ROBO1: variants seen among roughly 807,000 people sequenced by gnomAD.
ROBO1 encodes roundabout guidance receptor 1, also known as roundabout homolog 1.
Under a neutral mutation model 195.9 loss-of-function variants are expected in ROBO1, and 149 were observed. That is an observed-to-expected ratio of 0.76 (90% CI 0.67 to 0.87). The LOEUF is 0.87. ROBO1 is among the 40% of genes least tolerant of loss of function. The probability of loss-of-function intolerance (pLI) is 0.00; values close to 1 mark genes in which losing one functional copy is unlikely to be tolerated. For missense variants in ROBO1, 1,933 were observed against 2,068.3 expected (o/e 0.93, Z 1.27); for synonymous variants, 816 against 733.2 (o/e 1.11, Z -1.82).
chr3:78,854,566 C>T (rs1367539511), intron 4 of ROBO1, among the ~76,000 whole-genome samples: 1 of 150,488 alleles, frequency 6.6e-6, no homozygotes, highest in African/African-American at 2.5e-5. Flanking sequence ...ATTATTAATA[C>T]ATTTTAACTT....
At chr3:78,950,303 C>A (rs529083702) in intron 3 of ROBO1, among the ~76,000 whole-genome samples, 1 of 151,858 alleles carries the variant, frequency 6.6e-6, no homozygotes. Context: ...AAATGCGGCA[C>A]GTATACACCA....
chr3:79,232,328 C>G (rs990378496), intron 2 of ROBO1, among the ~76,000 whole-genome samples: 1 of 149,330 alleles, frequency 6.7e-6, no homozygotes, highest in Non-Finnish European at 1.5e-5. Context: ...GTTTAAGTAT[C>G]TCCTAGTGTG....
chr3:79,210,645 AG>A (rs2081952147), intron 2 of ROBO1, among the ~76,000 whole-genome samples: 1 of 152,154 alleles, frequency 6.6e-6, no homozygotes, highest in Non-Finnish European at 1.5e-5. Context: ...GTTAGCATGA[AG>A]GATAGGAGCA....
At chr3:79,626,501 A>T (rs1945185745) in intron 1 of ROBO1, among the ~76,000 whole-genome samples, 1 of 152,170 alleles carries the variant, frequency 6.6e-6, no homozygotes, top group Non-Finnish European at 1.5e-5. Flanking sequence ...ACCATATCTC[A>T]AAATAGTAAG....
At chr3:79,055,903 A>G (rs951852457) in intron 3 of ROBO1, among the ~76,000 whole-genome samples, 17 of 152,034 alleles carry the variant, frequency 1.1e-4, no homozygotes, top group Admixed American at 5.2e-4. Context: ...GTTTTCACTC[A>G]ATTAGTTTCT....
intron 2 of ROBO1, among the ~76,000 whole-genome samples, chr3:79,460,809 G>A (rs902868213): frequency 6.6e-6 from 1 of 151,514 alleles, no homozygotes; most frequent in Non-Finnish European, 1.5e-5. Context: ...GTGCAGTGGC[G>A]CGATCTCAGC....
intron 2 of ROBO1, among the ~76,000 whole-genome samples, chr3:79,420,780 G>C (rs943555048): frequency 6.6e-6 from 1 of 152,166 alleles, no homozygotes; most frequent in Non-Finnish European, 1.5e-5. Context: ...TTAGTGATGA[G>C]AATGTAAATA....
chr3:78,782,868 T>G (rs1165050345), intron 4 of ROBO1, among the ~76,000 whole-genome samples: 1 of 152,142 alleles, frequency 6.6e-6, no homozygotes, highest in Admixed American at 6.5e-5. Context: ...CTTTATATTT[T>G]TCCAATATTT....
At chr3:79,589,752 C>T (rs2107817507) in intron 2 of ROBO1, 72 bp downstream of exon 2, 1 of 1,233,124 alleles carries the variant, frequency 8.1e-7, no homozygotes, top group South Asian at 1.3e-5. Flanking sequence ...GCAACACACA[C>T]AATAAAAAGT....
chr3:79,282,133 A>G (rs1204597741), intron 2 of ROBO1, among the ~76,000 whole-genome samples: 1 of 152,170 alleles, frequency 6.6e-6, no homozygotes, highest in Non-Finnish European at 1.5e-5. Context: ...GAAAAAAATA[A>G]TTAAGATGTG....
At chr3:79,001,521 C>T (rs1382590562) in intron 3 of ROBO1, among the ~76,000 whole-genome samples, 2 of 151,936 alleles carry the variant, frequency 1.3e-5, no homozygotes, top group Admixed American at 1.3e-4. Context: ...ATCATCACTG[C>T]CCAGAAATCT....
At chr3:78,755,770 A>C (rs2108332877) in intron 4 of ROBO1, among the ~76,000 whole-genome samples, 1 of 152,350 alleles carries the variant, frequency 6.6e-6, no homozygotes, top group Non-Finnish European at 1.5e-5. Context: ...TTCTACGAGG[A>C]GGAACAACAG....
At chr3:79,258,794 C>A (rs569825191) in intron 2 of ROBO1, among the ~76,000 whole-genome samples, 14 of 152,210 alleles carry the variant, frequency 9.2e-5, no homozygotes, top group African/African-American at 2.6e-4. Context: ...TCCCAAAATT[C>A]AAACCCTTCT....
chr3:78,605,514 T>G (rs1703414611), intron 29 of ROBO1, among the ~76,000 whole-genome samples: 3 of 152,232 alleles, frequency 2.0e-5, no homozygotes, highest in African/African-American at 7.2e-5. Context: ...CCTGGATAGC[T>G]GATTGATAAA....
At chr3:78,738,129 CAT>C (rs749875450) in intron 5 of ROBO1, among the ~76,000 whole-genome samples, 13 of 152,036 alleles carry the variant, frequency 8.6e-5, no homozygotes, top group East Asian at 1.9e-4. Context: ...AGGAAGGAGA[CAT>C]GTGGGAATTG....
intron 1 of ROBO1, among the ~76,000 whole-genome samples, chr3:79,654,857 T>C (rs562389254): frequency 3.3e-5 from 5 of 152,176 alleles, no homozygotes; most frequent in African/African-American, 9.6e-5. Context: ...CTTTTCTGTT[T>C]GGCTCTGATG....
intron 2 of ROBO1, among the ~76,000 whole-genome samples, chr3:79,230,824 A>G (rs1294677196): frequency 1.3e-5 from 2 of 152,188 alleles, no homozygotes; most frequent in African/African-American, 4.8e-5. Context: ...AAACTATACT[A>G]CAGGGATACA....
At chr3:79,090,716 C>T (rs1306921221) in intron 3 of ROBO1, among the ~76,000 whole-genome samples, 1 of 152,010 alleles carries the variant, frequency 6.6e-6, no homozygotes. Flanking sequence ...TGTATAATAC[C>T]TAGTTCACAT....
chr3:79,444,166 T>G (rs115594770), intron 2 of ROBO1, among the ~76,000 whole-genome samples: 1,622 of 152,168 alleles, frequency 0.011, 30 homozygotes, highest in African/African-American at 0.037. Context: ...ATTGAGAATT[T>G]CTTTTCATGA....
Sources: allele counts gnomAD v4.1 joint callset (sites outside exome capture counted in the v4.1 genomes callset), GRCh38; gene constraint gnomAD v4.1.1; transcripts MANE v1.5; gene names NCBI Gene and HGNC (gene_info 2026-07-23, HGNC 2026-07-21).